The following ITGA9 variants were observed in gnomAD, a reference collection of about 807,000 sequenced individuals.
The protein encoded by ITGA9 is integrin alpha-9.
ITGA9 carries 56 observed loss-of-function variants against 127.8 expected under a neutral mutation model. That is an observed-to-expected ratio of 0.44 (90% CI 0.35 to 0.55). The LOEUF is 0.55. Among genes scored for constraint, ITGA9 ranks in the 20% least tolerant of loss-of-function variants. The probability of loss-of-function intolerance (pLI) is 0.00; values close to 1 mark genes in which losing one functional copy is unlikely to be tolerated. For missense variants in ITGA9, 1,196 were observed against 1,347.1 expected (o/e 0.89, Z 1.76); for synonymous variants, 508 against 514.5 (o/e 0.99, Z 0.17).
intron 27 of ITGA9, among the ~76,000 whole-genome samples, chr3:37,815,659 A>T (rs1005843330): frequency 3.9e-5 from 6 of 152,008 alleles, no homozygotes; most frequent in African/African-American, 1.4e-4. Flanking sequence ...ACACTAACTG[A>T]TGCTGTTTAA....
rs138040817 is a variant in ITGA9 at position 37,575,008 on chromosome 3, G to A, written c.1689+32423G>A. Among the ~76,000 whole-genome samples, 4 of 152,258 alleles carry A rather than the reference G, an allele frequency of 2.6e-5. No homozygotes were observed. In the East Asian group the frequency reaches 7.7e-4, roughly 29 times the overall value. ...TTCCTTGGAGGCAGCTTTGCTGAAGGCCCCTTGAGTCAAGGGTAATAGGGT... is the reference window on the plus strand; with the variant it reads ...TTCCTTGGAGGCAGCTTTGCTGAAGACCCCTTGAGTCAAGGGTAATAGGGT... On this transcript the variant is annotated intron_variant, in intron 15 of 27. Coordinates refer to ENST00000264741, the MANE Select transcript of ITGA9 (RefSeq NM_002207.3).
intron 17 of ITGA9, among the ~76,000 whole-genome samples, chr3:37,666,335 G>T (rs2125654168): frequency 6.6e-6 from 1 of 152,308 alleles, no homozygotes; most frequent in South Asian, 2.1e-4. Flanking sequence ...ATGTGCCATA[G>T]CACTTGTATA....
intron 18 of ITGA9, among the ~76,000 whole-genome samples, chr3:37,688,015 G>C (rs961905959): frequency 1.1e-4 from 16 of 152,338 alleles, no homozygotes; most frequent in African/African-American, 3.4e-4. Context: ...TTCACTCCAG[G>C]ATGAGGAAGC....
At chr3:37,610,579 A>C (rs1262969701) in intron 15 of ITGA9, among the ~76,000 whole-genome samples, 1 of 152,232 alleles carries the variant, frequency 6.6e-6, no homozygotes, top group Non-Finnish European at 1.5e-5. Flanking sequence ...TCTGAGCCCG[A>C]GGTTCAGTGT....
intron 15 of ITGA9, among the ~76,000 whole-genome samples, chr3:37,585,150 C>T (rs1269790165): frequency 6.6e-6 from 1 of 152,174 alleles, no homozygotes; most frequent in Non-Finnish European, 1.5e-5. Flanking sequence ...CCCTGCTTTG[C>T]CACAGGGGTC....
intron 18 of ITGA9, among the ~76,000 whole-genome samples, chr3:37,692,766 A>G (rs187029055): frequency 5.9e-5 from 9 of 152,306 alleles, no homozygotes; most frequent in African/African-American, 1.9e-4. Flanking sequence ...TTAGATAATG[A>G]GGAGAATAAT....
At chr3:37,579,908 C>A (rs1699689466) in intron 15 of ITGA9, among the ~76,000 whole-genome samples, 1 of 152,274 alleles carries the variant, frequency 6.6e-6, no homozygotes, top group Non-Finnish European at 1.5e-5. Flanking sequence ...TAAATGATTT[C>A]TTGTTAAGCA....
At chr3:37,474,887 A>C (rs1206957795) in intron 3 of ITGA9, among the ~76,000 whole-genome samples, 1 of 152,210 alleles carries the variant, frequency 6.6e-6, no homozygotes, top group Non-Finnish European at 1.5e-5. Context: ...CTTTTGTGTT[A>C]AACTTCTTCA....
chr3:37,680,416 G>C (rs895041570), intron 17 of ITGA9, among the ~76,000 whole-genome samples: 1 of 152,166 alleles, frequency 6.6e-6, no homozygotes, highest in African/African-American at 2.4e-5. Context: ...TTGCCTGGCT[G>C]CTTCCCTTAA....
intron 3 of ITGA9, among the ~76,000 whole-genome samples, chr3:37,477,848 C>T (rs1324288304): frequency 6.6e-6 from 1 of 152,014 alleles, no homozygotes; most frequent in Non-Finnish European, 1.5e-5. Context: ...TTCTCTGGTT[C>T]TCTTTGTCAT....
chr3:37,604,066 C>T (rs1349339395), intron 15 of ITGA9, among the ~76,000 whole-genome samples: 1 of 152,226 alleles, frequency 6.6e-6, no homozygotes, highest in Non-Finnish European at 1.5e-5. Context: ...GATGGGCAAG[C>T]ACTTCTATCA....
intron 23 of ITGA9, among the ~76,000 whole-genome samples, chr3:37,759,763 G>C (rs1488588896): frequency 1.3e-5 from 2 of 151,880 alleles, no homozygotes; most frequent in Non-Finnish European, 2.9e-5. Flanking sequence ...AATTAGCCAG[G>C]TGTCGTGGGC....
At position 37,820,311 on chromosome 3, in the gene ITGA9, G is replaced by T. The variant is rs1697497293; in HGVS notation, c.*1322G>T. The T allele has an allele frequency of 6.6e-6, 1 of 152,302 alleles. No individual in the cohort carries two copies. Among genetic ancestry groups the T allele is most frequent in the Admixed American group, 6.5e-5 (1 of 15,286 alleles). 9.4% of individuals were successfully genotyped at this position (152,302 alleles called of 1,614,324 possible). ...AATCAAGGGGCTGGCTGCACCCAGA[G>T]GAGATGTAAACGTTTTATTCTCAAT... On this transcript the variant is annotated 3_prime_UTR_variant, in exon 28 of 28. Transcript: ENST00000264741.
At chr3:37,656,683 T>G (rs910958429) in intron 17 of ITGA9, among the ~76,000 whole-genome samples, 1 of 152,216 alleles carries the variant, frequency 6.6e-6, no homozygotes, top group Non-Finnish European at 1.5e-5. Context: ...ACCCTTTTTT[T>G]CCTTCTCTTG....
At chr3:37,790,528 CAT>C in intron 26 of ITGA9, 1 of 261,620 alleles carries the variant, frequency 3.8e-6, no homozygotes, top group Non-Finnish European at 7.6e-6. Context: ...AGCATGCACA[CAT>C]GTCCTGTGAT....
At chr3:37,739,882 A>G (rs912163338) in intron 20 of ITGA9, among the ~76,000 whole-genome samples, 5 of 152,196 alleles carry the variant, frequency 3.3e-5, no homozygotes, top group African/African-American at 1.2e-4. Flanking sequence ...TGGCCTGCCC[A>G]CAGCAGTGAT....
chr3:37,512,815 C>G (rs1272010884), intron 8 of ITGA9, among the ~76,000 whole-genome samples: 1 of 152,178 alleles, frequency 6.6e-6, no homozygotes, highest in East Asian at 1.9e-4. Flanking sequence ...GTCTCCACCA[C>G]TCCCTATTGT....
intron 26 of ITGA9, among the ~76,000 whole-genome samples, chr3:37,791,859 A>C (rs1697115227): frequency 6.6e-6 from 1 of 152,322 alleles, no homozygotes; most frequent in East Asian, 1.9e-4. Flanking sequence ...GCCACTTACC[A>C]TTCCTTTGGT....
chr3:37,793,715 A>C (rs1697141032), intron 26 of ITGA9, among the ~76,000 whole-genome samples: 1 of 152,112 alleles, frequency 6.6e-6, no homozygotes, highest in African/African-American at 2.4e-5. Flanking sequence ...CAGGATAGGA[A>C]AGAGGAGAAG....
Sources: gnomAD v4.1 joint callset for allele counts (sites outside exome capture counted in the v4.1 genomes callset) on GRCh38, gnomAD v4.1.1 for gene constraint, MANE v1.5 for transcripts, NCBI Gene and HGNC (gene_info 2026-07-23, HGNC 2026-07-21) for gene names.